Variants in ARPP19 observed in about 807,000 individuals in gnomAD.
The protein encoded by ARPP19 is cAMP regulated phosphoprotein 19.
In ARPP19, 8 loss-of-function variants were observed where a neutral mutation model predicts 12.0. That is an observed-to-expected ratio of 0.67 (90% CI 0.39 to 1.21). The LOEUF is 1.21. ARPP19 is among the 50% of genes most tolerant of loss of function. The pLI is 0.01. For synonymous variants in ARPP19, 47 were observed against 50.4 expected, an observed-to-expected ratio of 0.93 and a Z score of 0.29; for missense variants, 102 against 136.3, an observed-to-expected ratio of 0.75 and a Z score of 1.25.
intron 1 of ARPP19, among the ~76,000 whole-genome samples, chr15:52,559,171 C>T (rs778525553): frequency 2.6e-4 from 39 of 152,108 alleles, no homozygotes; most frequent in African/African-American, 6.8e-4. Flanking sequence ...ACAGTGGCCA[C>T]GTCATTCACT....
At chr15:52,558,982 T>A (rs2078008358) in intron 1 of ARPP19, among the ~76,000 whole-genome samples, 1 of 152,090 alleles carries the variant, frequency 6.6e-6, no homozygotes, top group African/African-American at 2.4e-5. Context: ...TGTTTTATAA[T>A]CAGCTTCATT....
At position 52,568,885 on chromosome 15, in the gene ARPP19, G is replaced by C; in HGVS notation, c.8C>G (p.Ala3Gly). Residue 3 changes from alanine (A) to glycine (G), a missense_variant, in exon 1 of 3, where the codon GCG becomes GGG. Transcript: ENST00000249822. Reference sequence around the variant, plus strand: ...CGCGGAGGCTGCCTCGGGGACTTCCGCAGACATAGTGCTCCCTCTGCAGAC... The same window carrying C: ...CGCGGAGGCTGCCTCGGGGACTTCCCCAGACATAGTGCTCCCTCTGCAGAC... MS[A>G]EVPEAASAEE... 1 of 1,565,726 alleles carries C rather than the reference G, an allele frequency of 6.4e-7. No homozygotes were observed. Among genetic ancestry groups the C allele is most frequent in the Non-Finnish European group, 8.6e-7 (1 of 1,159,298 alleles).
At position 52,551,995 on chromosome 15, in the gene ARPP19, G is replaced by A. The variant is rs2077936559; in HGVS notation, c.278C>T (p.Pro93Leu). 6.8e-6 allele frequency: 11 copies of A among 1,612,718 alleles called. No individual in the cohort carries two copies. Among genetic ancestry groups the A allele is most frequent in the Non-Finnish European group, 9.3e-6 (11 of 1,178,712 alleles). Reference sequence around the variant, plus strand: ...CCGTTGAGGAAGGTCTTGCGGAGTGGGAATGTGGTCACCAGTGACCTCCGT... The same window carrying A: ...CCGTTGAGGAAGGTCTTGCGGAGTGAGAATGTGGTCACCAGTGACCTCCGT... ...DKTEVTGDHIPTPQDLPQRKP... is the reference protein window; with the variant it reads ...DKTEVTGDHILTPQDLPQRKP... The change falls in exon 3 of 3, where the codon CCC (proline) becomes CTC (leucine). Residue 93 changes from proline to leucine, a missense_variant. Pro to Leu is a moderately conservative substitution (Grantham distance 98, BLOSUM62 -3). Transcript: ENST00000249822.
At chr15:52,553,424 T>C (rs985644568) in intron 2 of ARPP19, among the ~76,000 whole-genome samples, 7 of 152,124 alleles carry the variant, frequency 4.6e-5, no homozygotes, top group South Asian at 4.1e-4. Context: ...CTAACCTACT[T>C]GACTTCCAGA....
At chr15:52,562,143 CTACTATGGAA>C (rs1447584764) in intron 1 of ARPP19, among the ~76,000 whole-genome samples, 1 of 152,018 alleles carries the variant, frequency 6.6e-6, no homozygotes, top group Non-Finnish European at 1.5e-5. Flanking sequence ...GACAAGTCCA[CTACTATGGAA>C]TTCAACACAG....
chr15:52,557,052 C>T, intron 2 of ARPP19, 48 bp downstream of exon 2: 1 of 1,595,582 alleles, frequency 6.3e-7, no homozygotes, highest in Non-Finnish European at 8.6e-7. Flanking sequence ...TGTCAGCATA[C>T]TGAGTTTGTA....
chr15:52,565,065 G>A (rs1422392907), intron 1 of ARPP19, among the ~76,000 whole-genome samples: 1 of 149,776 alleles, frequency 6.7e-6, no homozygotes. Flanking sequence ...TTGAGACAGG[G>A]TCTCCCTCAG....
intron 1 of ARPP19, chr15:52,557,497 C>T (rs1490172462): frequency 9.3e-6 from 3 of 322,338 alleles, no homozygotes; most frequent in Admixed American, 9.3e-5. Flanking sequence ...CTTGCCATTA[C>T]TTTTCCAGTC....
chr15:52,550,118 A>G lies in ARPP19; in HGVS notation c.*1816T>C, dbSNP rs2077915392. 6.6e-6 allele frequency: 1 copy of G among 152,334 alleles called. No homozygotes were observed. Among genetic ancestry groups the G allele is most frequent in the Non-Finnish European group, 1.5e-5 (1 of 68,054 alleles). The allele number at this position is 152,334 out of a possible 1,614,324, so 9.4% of individuals were successfully genotyped here. On this transcript the variant is annotated 3_prime_UTR_variant, in exon 3 of 3. Coordinates refer to ENST00000249822, the MANE Select transcript of ARPP19 (RefSeq NM_006628.6). ...AAAAACGGGAGGCTCTCTGCAAGTC[A>G]AAGATGAAGAGAAAAATAGTAGCAT...
At position 52,549,896 on chromosome 15, in the gene ARPP19, T is replaced by C. The variant is rs2077913476; in HGVS notation, c.*2038A>G. The C allele has an allele frequency of 6.6e-6, 1 of 152,660 alleles. No homozygotes were observed. The highest frequency in any genetic ancestry group is 1.5e-5 in the Non-Finnish European group (1 of 68,034). 9.5% of individuals were successfully genotyped at this position (152,660 alleles called of 1,614,324 possible). The stretch of plus-strand genomic sequence containing the variant: ...ATATAACTGATCTTTACATTACAAA[T>C]GACCACAGCAGTGACTGTGTTGCTT... On this transcript the variant is annotated 3_prime_UTR_variant, in exon 3 of 3. Coordinates refer to ENST00000249822, the MANE Select transcript of ARPP19 (RefSeq NM_006628.6).
chr15:52,555,366 T>A (rs1390116326), intron 2 of ARPP19, among the ~76,000 whole-genome samples: 3 of 152,006 alleles, frequency 2.0e-5, no homozygotes, highest in African/African-American at 7.2e-5. Flanking sequence ...TCCTAAACAA[T>A]AATCAAATCA....
rs1420610802 is a variant in ARPP19, at chr15:52,563,476, AT to A, written c.45+5371del. On this transcript the variant is annotated intron_variant, in intron 1 of 2. Transcript: ENST00000249822. Reference sequence around the variant, plus strand: ...AAAAATCTTAAGAACAGTATTTTTAATAATAGTTATTGTCTCGGCATGTGCA... The same window carrying A: ...AAAAATCTTAAGAACAGTATTTTTAAAATAGTTATTGTCTCGGCATGTGCA... Among the ~76,000 whole-genome samples, 7 of 152,344 alleles carry A rather than the reference AT, an allele frequency of 4.6e-5. No individual in the cohort carries two copies. In the South Asian group the frequency reaches 1.5e-3, roughly 32 times the overall value.
rs780601397 is a variant in ARPP19, at chr15:52,568,859, C to A, written c.34G>T (p.Glu12Ter). The A allele has an allele frequency of 3.8e-6, 6 of 1,574,388 alleles. No individual in the cohort carries two copies. Residue 12 changes from glutamate to a stop codon, truncating the protein, a stop_gained, in exon 1 of 3, where the codon GAG becomes TAG. Coordinates refer to ENST00000249822, the MANE Select transcript of ARPP19 (RefSeq NM_006628.6). LOFTEE classifies it high-confidence loss of function. ...SAEVPEAASA[E>*]EQKEMEDKVT... ...CCCCGCGCGCTCACCTTCTGCTCCT[C>A]CGCGGAGGCTGCCTCGGGGACTTCC...
intron 1 of ARPP19, among the ~76,000 whole-genome samples, chr15:52,567,068 A>G (rs558140794): frequency 6.6e-6 from 1 of 152,344 alleles, no homozygotes; most frequent in East Asian, 1.9e-4. Flanking sequence ...TTCCAAATAG[A>G]AGAAACAGGT....
At chr15:52,564,701 T>A (rs572769898) in intron 1 of ARPP19, among the ~76,000 whole-genome samples, 1 of 152,146 alleles carries the variant, frequency 6.6e-6, no homozygotes, top group Admixed American at 6.6e-5. Flanking sequence ...TTATAACCTC[T>A]AGAAAACTTG....
chr15:52,561,126 G>A (rs189794508), intron 1 of ARPP19, among the ~76,000 whole-genome samples: 197 of 152,292 alleles, frequency 1.3e-3, no homozygotes, highest in African/African-American at 4.5e-3. Flanking sequence ...TAAAATAAGC[G>A]ATTTATCCAC....
chr15:52,554,781 A>C (rs1438487750), intron 2 of ARPP19, among the ~76,000 whole-genome samples: 1 of 152,172 alleles, frequency 6.6e-6, no homozygotes, highest in East Asian at 1.9e-4. Flanking sequence ...AAAAATGTAA[A>C]AACAGGCCAC....
At chr15:52,554,089 G>A (rs2077960096) in intron 2 of ARPP19, among the ~76,000 whole-genome samples, 1 of 152,206 alleles carries the variant, frequency 6.6e-6, no homozygotes, top group African/African-American at 2.4e-5. Context: ...GCCTCTAGAG[G>A]AGAACAAAGC....
rs1331384945 is a variant in ARPP19, at chr15:52,547,212, TAAGAC to T, written c.*4717_*4721del. On this transcript the variant is annotated 3_prime_UTR_variant, in exon 3 of 3. Coordinates refer to ENST00000249822, the MANE Select transcript of ARPP19 (RefSeq NM_006628.6). ...TACACTGAAAAACATACCACTTTAA[TAAGAC>T]AAAACTGCAAATTAAATCAATAGAA... 1 of 152,016 alleles carries T rather than the reference TAAGAC, an allele frequency of 6.6e-6. No individual in the cohort carries two copies. The highest frequency in any genetic ancestry group is 1.5e-5 in the Non-Finnish European group (1 of 68,014). The allele number at this position is 152,016 out of a possible 1,614,324, so 9.4% of individuals were successfully genotyped here.
Sources: gnomAD v4.1 joint callset for allele counts (sites outside exome capture counted in the v4.1 genomes callset) on GRCh38, gnomAD v4.1.1 for gene constraint, MANE v1.5 for transcripts, NCBI Gene and HGNC (gene_info 2026-07-23, HGNC 2026-07-21) for gene names.